The following TMEM45B variants were observed in gnomAD, a reference collection of about 807,000 sequenced individuals.
TMEM45B encodes transmembrane protein 45B.
In TMEM45B, 29 loss-of-function variants were observed where a neutral mutation model predicts 27.3. The ratio of observed to expected loss-of-function variants is 1.06; its 90% CI spans 0.79 to 1.45. The LOEUF (loss-of-function observed/expected upper bound fraction) is 1.45. Ranked by LOEUF, TMEM45B falls within the 40% of genes most tolerant of loss-of-function variation. TMEM45B has a pLI of 0.00. For synonymous variants in TMEM45B, 143 were observed against 134.7 expected (o/e 1.06, Z -0.43); for missense variants, 348 against 343.9 (o/e 1.01, Z -0.09).
intron 1 of TMEM45B, among the ~76,000 whole-genome samples, chr11:129,825,977 AGGTTTTTTTT>A (rs1159772708): frequency 1.2e-4 from 5 of 41,412 alleles, no homozygotes; most frequent in Non-Finnish European, 2.4e-4. Flanking sequence ...AATATATGTA[AGGTTTTTTTT>A]GGTTTTTTTT....
chr11:129,855,760 C>T lies in TMEM45B; in HGVS notation c.438C>T (p.Ile146=). 5.0e-6 allele frequency: 8 copies of T among 1,614,172 alleles called. No individual in the cohort carries two copies. The highest frequency in any genetic ancestry group is 5.9e-6 in the Non-Finnish European group (7 of 1,180,048). ...VHNRPPLDQH[I]HSLLLYALFG... ...ACCGGCCTCCGCTGGACCAGCACAT[C>T]CACTCACTCCTGCTGTATGCTCTGT... The change falls in exon 4 of 6, where the codon ATC becomes ATT. Residue 146 remains isoleucine (I), a synonymous_variant. Coordinates refer to ENST00000281441, the MANE Select transcript of TMEM45B (RefSeq NM_138788.5).
chr11:129,828,190 T>G (rs1947508792), intron 1 of TMEM45B: 1 of 152,192 alleles, frequency 6.6e-6, no homozygotes, highest in Admixed American at 6.5e-5. Flanking sequence ...ATGGAAAATT[T>G]TAGAAAGAGA....
chr11:129,842,833 A>G (rs1289283474), intron 1 of TMEM45B, among the ~76,000 whole-genome samples: 1 of 152,260 alleles, frequency 6.6e-6, no homozygotes, highest in Non-Finnish European at 1.5e-5. Context: ...TTTGCATAGC[A>G]AAGAAAACCA....
In TMEM45B at chr11:129,855,792, G is replaced by C. The variant is rs1356483956; in HGVS notation, c.470G>C (p.Gly157Ala). Residue 157 changes from glycine (G) to alanine (A), a missense_variant, in exon 4 of 6, where the codon GGG becomes GCG. Gly to Ala is a moderately conservative substitution (Grantham distance 60, BLOSUM62 0). Coordinates refer to ENST00000281441, the MANE Select transcript of TMEM45B (RefSeq NM_138788.5). ...CTCCTGCTGTATGCTCTGTTCGGAG[G>C]GTGTGTTAGTATCTCCCTAGAGGTG... The part of the protein sequence containing the change: ...HSLLLYALFG[G>A]CVSISLEVIF... 3 of 1,613,968 alleles carry C rather than the reference G, an allele frequency of 1.9e-6. No individual in the cohort carries two copies. The highest frequency in any genetic ancestry group is 2.2e-5 in the East Asian group (1 of 44,884).
At chr11:129,817,232 A>ACTGTTTT (rs943330681) in intron 1 of TMEM45B, among the ~76,000 whole-genome samples, 1 of 152,148 alleles carries the variant, frequency 6.6e-6, no homozygotes, top group African/African-American at 2.4e-5. Flanking sequence ...AGAGACGTGT[A>ACTGTTTT]CTGTTTTTAA....
At chr11:129,843,212 TG>T (rs1416678334) in intron 1 of TMEM45B, among the ~76,000 whole-genome samples, 6 of 152,358 alleles carry the variant, frequency 3.9e-5, no homozygotes, top group East Asian at 1.9e-4. Flanking sequence ...CCCAAAGTGC[TG>T]GGATTACAGG....
chr11:129,851,890 T>A (rs1173367428), intron 1 of TMEM45B, among the ~76,000 whole-genome samples: 1 of 152,224 alleles, frequency 6.6e-6, no homozygotes, highest in African/African-American at 2.4e-5. Context: ...TATAAAATTA[T>A]TTTCCAGTTG....
chr11:129,826,413 G>A (rs1388776943), intron 1 of TMEM45B, among the ~76,000 whole-genome samples: 15 of 151,630 alleles, frequency 9.9e-5, no homozygotes, highest in East Asian at 2.0e-4. Flanking sequence ...GCTGGGCGTG[G>A]TGGCGGGTGC....
At chr11:129,847,408 T>TTTTTTTTTTA (rs869096306) in intron 1 of TMEM45B, among the ~76,000 whole-genome samples, 7 of 49,614 alleles carry the variant, frequency 1.4e-4, no homozygotes, top group African/African-American at 5.6e-4. Flanking sequence ...TATGAAGTTA[T>TTTTTTTTTTA]TTTTTTTTAT....
At chr11:129,826,710 T>C (rs1449970441) in intron 1 of TMEM45B, among the ~76,000 whole-genome samples, 1 of 116,376 alleles carries the variant, frequency 8.6e-6, no homozygotes, top group East Asian at 2.7e-4. Flanking sequence ...AATTTGTTTT[T>C]CTTTTTTTTT....
At position 129,859,027 on chromosome 11, in the gene TMEM45B, A is replaced by G. The variant is rs1399537777; in HGVS notation, c.*342A>G. ...ACAATGGAAGTGGCCTCATGGATGA[A>G]TCCGGGGTATGAGCCCAGGAGAACG... On this transcript the variant is annotated 3_prime_UTR_variant, in exon 6 of 6. Transcript: ENST00000281441. 1 of 157,190 alleles carries G rather than the reference A, an allele frequency of 6.4e-6. No individual in the cohort carries two copies. The highest frequency in any genetic ancestry group is 6.5e-5 in the Admixed American group (1 of 15,484). The allele number at this position is 157,190 out of a possible 1,614,324, so 9.7% of individuals were successfully genotyped here. A position where few individuals can be genotyped will look rare whatever the true frequency, so the allele number is the denominator to read the frequency against.
chr11:129,854,907 T>C (rs976016808), intron 3 of TMEM45B, 91 bp downstream of exon 3: 2 of 1,439,018 alleles, frequency 1.4e-6, no homozygotes, highest in African/African-American at 2.8e-5. Context: ...ATGTTGCAAA[T>C]ATAATAACCT....
intron 1 of TMEM45B, chr11:129,850,261 T>G (rs1947829573): frequency 6.6e-6 from 1 of 151,864 alleles, no homozygotes; most frequent in Admixed American, 6.6e-5. Context: ...CTCTCCCGGG[T>G]TCAAGCGATT....
At chr11:129,831,368 C>G (rs546010551) in intron 1 of TMEM45B, among the ~76,000 whole-genome samples, 2 of 152,284 alleles carry the variant, frequency 1.3e-5, no homozygotes, top group African/African-American at 4.8e-5. Context: ...TGAACACAAG[C>G]ACTATGATAC....
rs766958975 is a variant in TMEM45B, at chr11:129,854,626, G to A, written c.195G>A (p.Gln65=). ...TCCCTGCAGGGATCCTGGCAGAGCA[G>A]TTTGTTCCGGATGGGCCCCACCTGC... ...LFSVTGILAE[Q]FVPDGPHLHL... The change falls in exon 3 of 6, where the codon CAG becomes CAA. Residue 65 remains glutamine (Q), a synonymous_variant. Transcript: ENST00000281441. 1 of 1,614,236 alleles carries A rather than the reference G, an allele frequency of 6.2e-7. No individual in the cohort carries two copies. The highest frequency in any genetic ancestry group is 1.7e-5 in the Admixed American group (1 of 60,030).
At chr11:129,841,000 T>TAAAAAAAAA (rs1591443189) in intron 1 of TMEM45B, among the ~76,000 whole-genome samples, 1 of 69,108 alleles carries the variant, frequency 1.4e-5, no homozygotes, top group Non-Finnish European at 3.2e-5. Flanking sequence ...TATATAAAAC[T>TAAAAAAAAA]AGACAAAATT....
chr11:129,850,658 C>T (rs1947835047), intron 1 of TMEM45B: 1 of 152,192 alleles, frequency 6.6e-6, no homozygotes, highest in Admixed American at 6.5e-5. Context: ...GTTTCCAATA[C>T]CTTGTTCTTT....
At chr11:129,838,323 C>A (rs1486394219) in intron 1 of TMEM45B, among the ~76,000 whole-genome samples, 1 of 152,038 alleles carries the variant, frequency 6.6e-6, no homozygotes, top group Non-Finnish European at 1.5e-5. Flanking sequence ...CGGTCTCCAC[C>A]CAGAGAAGCC....
At chr11:129,842,627 C>T (rs899739491) in intron 1 of TMEM45B, among the ~76,000 whole-genome samples, 2 of 152,122 alleles carry the variant, frequency 1.3e-5, no homozygotes, top group Admixed American at 1.3e-4. Flanking sequence ...TTATCTTCCA[C>T]CATATACAAA....
Sources: allele counts gnomAD v4.1 joint callset (sites outside exome capture counted in the v4.1 genomes callset), GRCh38; gene constraint gnomAD v4.1.1; transcripts MANE v1.5; gene names NCBI Gene and HGNC (gene_info 2026-07-23, HGNC 2026-07-21).